Variants in DCBLD1 observed in about 807,000 individuals in gnomAD.
The protein encoded by DCBLD1 is discoidin, CUB and LCCL domain containing 1, also known as discoidin, CUB and LCCL domain-containing protein 1.
A neutral mutation model predicts 71.5 loss-of-function variants in DCBLD1; 57 were observed. The observed-to-expected ratio is 0.80, with a 90% CI of 0.64 to 0.99. The LOEUF (loss-of-function observed/expected upper bound fraction) is 0.99. Among genes scored for constraint, DCBLD1 ranks in the 50% least tolerant of loss-of-function variants. The pLI is 0.00. For synonymous variants in DCBLD1, 380 were observed against 363.8 expected (o/e 1.04, Z -0.51); for missense variants, 891 against 923.5 (o/e 0.96, Z 0.46).
intron 1 of DCBLD1, among the ~76,000 whole-genome samples, chr6:117,495,695 C>T (rs1159508979): frequency 6.6e-6 from 1 of 152,216 alleles, no homozygotes; most frequent in East Asian, 1.9e-4. Context: ...CCCACATCCA[C>T]AAGCCTTCTA....
In DCBLD1 at chr6:117,548,705, C is replaced by T; in HGVS notation, c.*266C>T. 7.2e-7 allele frequency: 1 copy of T among 1,385,558 alleles called. No homozygotes were observed. Among genetic ancestry groups the T allele is most frequent in the Non-Finnish European group, 9.3e-7 (1 of 1,072,736 alleles). The allele number at this position is 1,385,558 out of a possible 1,614,324, so 85.8% of individuals were successfully genotyped here. On this transcript the variant is annotated 3_prime_UTR_variant, in exon 15 of 15. Coordinates refer to ENST00000338728, the MANE Select transcript of DCBLD1 (RefSeq NM_001366458.2). ...AAATTTTCAGATGGCGTTTTCATTC[C>T]TCTGACTGATATTGAGCTGCTTTGG...
intron 3 of DCBLD1, among the ~76,000 whole-genome samples, chr6:117,521,040 T>C (rs1249001103): frequency 6.6e-6 from 1 of 152,244 alleles, no homozygotes; most frequent in Non-Finnish European, 1.5e-5. Context: ...TAAAATGCTT[T>C]GTCCTGGTTG....
chr6:117,547,680 C>A (rs1400353013), intron 14 of DCBLD1: 1 of 891,214 alleles, frequency 1.1e-6, no homozygotes, highest in East Asian at 2.7e-5. Flanking sequence ...TCGCCCCCAT[C>A]TCTGAGAAGA....
intron 1 of DCBLD1, among the ~76,000 whole-genome samples, chr6:117,492,425 T>C (rs1036689609): frequency 2.6e-4 from 40 of 152,014 alleles, no homozygotes; most frequent in African/African-American, 9.2e-4. Context: ...TGCCTTGAAA[T>C]GGTTTCCTGC....
At chr6:117,555,915 A>G (rs986310051) in intron 14 of DCBLD1, among the ~76,000 whole-genome samples, 1 of 152,206 alleles carries the variant, frequency 6.6e-6, no homozygotes, top group African/African-American at 2.4e-5. Context: ...GGCCTATTAA[A>G]GTAGAATTAA....
intron 1 of DCBLD1, 149 bp downstream of exon 1, chr6:117,483,042 C>A: frequency 1.1e-6 from 1 of 908,738 alleles, no homozygotes; most frequent in Non-Finnish European, 1.4e-6. Context: ...CGCCGCCTGC[C>A]ATCCGCGGAG....
intron 11 of DCBLD1, among the ~76,000 whole-genome samples, chr6:117,542,624 C>CT (rs1440709097): frequency 6.6e-6 from 1 of 152,152 alleles, no homozygotes; most frequent in Non-Finnish European, 1.5e-5. Flanking sequence ...GCTGCACTTC[C>CT]TCTCAGTCCG....
In DCBLD1 at chr6:117,549,093, C is replaced by T. The variant is rs981612272; in HGVS notation, c.*654C>T. On this transcript the variant is annotated 3_prime_UTR_variant, in exon 15 of 15. Coordinates refer to ENST00000338728, the MANE Select transcript of DCBLD1 (RefSeq NM_001366458.2). ...TTTAAAAACAAGCAAAGAAACAACA[C>T]CTCAGCAGCTGCCCGTTTCCTTAGT... The T allele has an allele frequency of 1.0e-6, 1 of 985,788 alleles. No individual in the cohort carries two copies. Among genetic ancestry groups the T allele is most frequent in the Admixed American group, 6.1e-5 (1 of 16,314 alleles). The allele number at this position is 985,788 out of a possible 1,614,324, so 61.1% of individuals were successfully genotyped here. A position where few individuals can be genotyped will look rare whatever the true frequency, so the allele number is the denominator to read the frequency against.
At chr6:117,547,805 G>A (rs577767536) in intron 14 of DCBLD1, 102 bp from the exon 15 acceptor site, 2 of 1,543,870 alleles carry the variant, frequency 1.3e-6, no homozygotes, top group South Asian at 1.2e-5. Context: ...CACCCGGGGG[G>A]AAAGTCAGTC....
intron 2 of DCBLD1, among the ~76,000 whole-genome samples, chr6:117,513,369 A>G (rs1270834697): frequency 6.6e-6 from 1 of 152,204 alleles, no homozygotes; most frequent in Non-Finnish European, 1.5e-5. Flanking sequence ...CCCTTTGTCC[A>G]AGGAATCAGC....
intron 14 of DCBLD1, among the ~76,000 whole-genome samples, chr6:117,569,076 T>A (rs1779755468): frequency 6.6e-6 from 1 of 152,198 alleles, no homozygotes; most frequent in Admixed American, 6.5e-5. Context: ...TTTGAGTAAA[T>A]CCTTTCATCG....
At chr6:117,558,216 G>C (rs953452762) in intron 14 of DCBLD1, among the ~76,000 whole-genome samples, 1 of 152,202 alleles carries the variant, frequency 6.6e-6, no homozygotes, top group African/African-American at 2.4e-5. Flanking sequence ...TTAACACTTA[G>C]GTGTTCAGCC....
chr6:117,522,734 A>G (rs1244018239), intron 4 of DCBLD1, among the ~76,000 whole-genome samples: 2 of 152,152 alleles, frequency 1.3e-5, no homozygotes, highest in Non-Finnish European at 2.9e-5. Context: ...ATGACTCTCT[A>G]GAGTGCTTTC....
chr6:117,541,702 A>C (rs1437612801), intron 11 of DCBLD1, among the ~76,000 whole-genome samples: 11 of 152,266 alleles, frequency 7.2e-5, no homozygotes, highest in African/African-American at 1.9e-4. Context: ...AACAAAAATT[A>C]GTCATAAATC....
At chr6:117,555,587 T>C (rs531764101) in intron 14 of DCBLD1, among the ~76,000 whole-genome samples, 1 of 152,330 alleles carries the variant, frequency 6.6e-6, no homozygotes, top group East Asian at 1.9e-4. Flanking sequence ...AAATAACTTA[T>C]TCCGTATTTG....
downstream of DCBLD1, among the ~76,000 whole-genome samples, chr6:117,551,769 T>A (rs949346046): frequency 3.9e-5 from 6 of 152,208 alleles, no homozygotes; most frequent in Non-Finnish European, 4.4e-5. Context: ...TAGACAGGTT[T>A]TCTTCTTATT....
intron 2 of DCBLD1, among the ~76,000 whole-genome samples, chr6:117,506,142 A>G (rs1777835333): frequency 6.6e-6 from 1 of 152,064 alleles, no homozygotes; most frequent in Non-Finnish European, 1.5e-5. Flanking sequence ...CTTGGCTCTT[A>G]CATATATTTT....
chr6:117,506,694 C>A (rs1033764684), intron 2 of DCBLD1, among the ~76,000 whole-genome samples: 13 of 152,180 alleles, frequency 8.5e-5, no homozygotes, highest in African/African-American at 2.7e-4. Context: ...TGTTGCCCAG[C>A]TTCCTGGAAG....
Position 117,548,402 on chromosome 6 carries a change from C to T in DCBLD1, c.2111C>T (p.Thr704Ile), listed in dbSNP as rs1779352647. Residue 704 changes from threonine (T) to isoleucine (I), a missense_variant, in exon 15 of 15, where the codon ACA becomes ATA. Transcript: ENST00000338728. ...DSYSAPRDCL[T>I]PLNQTAMTAL... ...TATTCTGCCCCCAGAGACTGCCTCACACCCCTCAACCAGACGGCCATGACT... is the reference window on the plus strand; with the variant it reads ...TATTCTGCCCCCAGAGACTGCCTCATACCCCTCAACCAGACGGCCATGACT... 2 of 1,550,722 alleles carry T rather than the reference C, an allele frequency of 1.3e-6. No individual in the cohort carries two copies. The highest frequency in any genetic ancestry group is 1.4e-5 in the African/African-American group (1 of 73,184).
Sources: gnomAD v4.1 joint callset for allele counts (sites outside exome capture counted in the v4.1 genomes callset) on GRCh38, gnomAD v4.1.1 for gene constraint, MANE v1.5 for transcripts, NCBI Gene and HGNC (gene_info 2026-07-23, HGNC 2026-07-21) for gene names.